PDGFRL: variants seen among roughly 807,000 people sequenced by gnomAD.
PDGFRL encodes platelet derived growth factor receptor like, also known as platelet-derived growth factor receptor-like protein.
In PDGFRL, 46 loss-of-function variants were observed where a neutral mutation model predicts 37.2. That is an observed-to-expected ratio of 1.24 (90% CI 0.98 to 1.58). PDGFRL has a LOEUF of 1.58. PDGFRL is among the 40% of genes most tolerant of loss of function. The pLI is 0.00. For missense variants in PDGFRL, 692 were observed against 467.6 expected, an observed-to-expected ratio of 1.48 and a Z score of -4.43; for synonymous variants, 251 against 184.3, an observed-to-expected ratio of 1.36 and a Z score of -2.93.
chr8:17,601,218 T>C (rs7007653), intron 2 of PDGFRL, among the ~76,000 whole-genome samples: 33,601 of 152,166 alleles, frequency 0.22, 4,351 homozygotes, highest in African/African-American at 0.34. Flanking sequence ...CTGTAGTCTC[T>C]AACCTTAGAG....
intron 5 of PDGFRL, among the ~76,000 whole-genome samples, chr8:17,636,030 T>C (rs1368399271): frequency 6.6e-6 from 1 of 152,260 alleles, no homozygotes; most frequent in African/African-American, 2.4e-5. Flanking sequence ...CTTTTTCAGA[T>C]GTATGGATTG....
At chr8:17,606,111 A>T (rs1804270487) in intron 2 of PDGFRL, among the ~76,000 whole-genome samples, 1 of 152,238 alleles carries the variant, frequency 6.6e-6, no homozygotes, top group African/African-American at 2.4e-5. Context: ...GAATCCCACC[A>T]TTGAGAAAGA....
intron 1 of PDGFRL, 121 bp downstream of exon 1, chr8:17,577,428 C>T: frequency 2.5e-6 from 2 of 806,288 alleles, no homozygotes; most frequent in Non-Finnish European, 4.2e-6. Context: ...GCTCAGCCCC[C>T]GCGCCACTGC....
intron 4 of PDGFRL, among the ~76,000 whole-genome samples, chr8:17,630,095 T>C (rs1804831122): frequency 6.6e-6 from 1 of 152,048 alleles, no homozygotes; most frequent in Non-Finnish European, 1.5e-5. Context: ...CATGGGAGGG[T>C]AGAGGGCATG....
chr8:17,634,238 C>A (rs748513862), intron 5 of PDGFRL, 25 bp downstream of exon 5: 1 of 1,577,126 alleles, frequency 6.3e-7, no homozygotes, highest in Admixed American at 1.7e-5. Context: ...TGCATCTCAG[C>A]CCCTGCGTCT....
In PDGFRL at chr8:17,634,226, C is replaced by T; in HGVS notation, c.939+13C>T. On this transcript the variant is annotated intron_variant, in intron 5 of 5. Transcript: ENST00000251630. ...CCCAGGGCAGAAGGTAAGTGTTGTACCTGCATCTCAGCCCCTGCGTCTCAG... is the reference window on the plus strand; with the variant it reads ...CCCAGGGCAGAAGGTAAGTGTTGTATCTGCATCTCAGCCCCTGCGTCTCAG... 1.3e-6 allele frequency: 2 copies of T among 1,594,378 alleles called. No homozygotes were observed. The highest frequency in any genetic ancestry group is 1.7e-6 in the Non-Finnish European group (2 of 1,167,448).
chr8:17,627,993 T>C (rs536013001), intron 3 of PDGFRL, among the ~76,000 whole-genome samples: 1,486 of 126,060 alleles, frequency 0.012, 8 homozygotes, highest in South Asian at 0.03. Context: ...TTCTTTCTTT[T>C]TTTTTTTTTT....
At chr8:17,604,642 G>C (rs186696820) in intron 2 of PDGFRL, among the ~76,000 whole-genome samples, 1 of 152,002 alleles carries the variant, frequency 6.6e-6, no homozygotes, top group Non-Finnish European at 1.5e-5. Context: ...GCTAAATGAC[G>C]AGTTAATGGG....
intron 4 of PDGFRL, among the ~76,000 whole-genome samples, chr8:17,633,006 A>G (rs1366411380): frequency 6.6e-6 from 1 of 152,126 alleles, no homozygotes; most frequent in African/African-American, 2.4e-5. Context: ...TTAACACAGC[A>G]TTTTAAATTA....
At chr8:17,587,752 C>A (rs112999913) in intron 1 of PDGFRL, among the ~76,000 whole-genome samples, 55 of 150,928 alleles carry the variant, frequency 3.6e-4, no homozygotes, top group African/African-American at 1.3e-3. Flanking sequence ...CTCAGCCTCC[C>A]GAGTGGTAGC....
At chr8:17,616,486 G>A (rs1194404643) in intron 2 of PDGFRL, among the ~76,000 whole-genome samples, 4 of 152,114 alleles carry the variant, frequency 2.6e-5, no homozygotes, top group Non-Finnish European at 4.4e-5. Flanking sequence ...AACCACTTGC[G>A]CCTGGCCCAA....
chr8:17,641,900 C>CGCCCCCCCCCACCCCCT lies in PDGFRL; in HGVS notation c.940-710_940-709insCCCCCCCACCCCCTGCC, dbSNP rs1423751750. 4.4e-5 allele frequency among the ~76,000 whole-genome samples: 6 copies of CGCCCCCCCCCACCCCCT among 135,142 alleles called. 1 individual carries two copies. Among genetic ancestry groups the CGCCCCCCCCCACCCCCT allele is most frequent in the African/African-American group, 1.5e-4 (5 of 33,446 alleles). The allele number at this position is 135,142 out of a possible 152,430, so 88.7% of individuals were successfully genotyped here. On this transcript the variant is annotated intron_variant, in intron 5 of 5. Coordinates refer to ENST00000251630, the MANE Select transcript of PDGFRL (RefSeq NM_001372073.1). ...ATTGATGATTTTCAATAGAGGTCCC[C>CGCCCCCCCCCACCCCCT]GCCACATTGCTATTTGGTATTTTAT...
At chr8:17,630,986 C>T (rs1336407814) in intron 4 of PDGFRL, among the ~76,000 whole-genome samples, 2 of 152,084 alleles carry the variant, frequency 1.3e-5, no homozygotes, top group African/African-American at 4.8e-5. Flanking sequence ...CACCTGACTC[C>T]AGAGCACGTG....
intron 1 of PDGFRL, among the ~76,000 whole-genome samples, chr8:17,587,670 G>A (rs1380774358): frequency 6.6e-6 from 1 of 152,004 alleles, no homozygotes; most frequent in African/African-American, 2.4e-5. Context: ...TCAGTCTCCA[G>A]GCATTGGAGT....
intron 2 of PDGFRL, among the ~76,000 whole-genome samples, chr8:17,613,084 G>A (rs936760766): frequency 6.6e-6 from 1 of 152,042 alleles, no homozygotes; most frequent in African/African-American, 2.4e-5. Context: ...AAATCTCTTG[G>A]GTCTCTCCAT....
At chr8:17,587,802 G>C (rs985008960) in intron 1 of PDGFRL, among the ~76,000 whole-genome samples, 1 of 151,984 alleles carries the variant, frequency 6.6e-6, no homozygotes. Flanking sequence ...GGCTAATTTT[G>C]TATTTTTAGT....
chr8:17,633,359 T>G (rs1007500957), intron 4 of PDGFRL, among the ~76,000 whole-genome samples: 1 of 152,240 alleles, frequency 6.6e-6, no homozygotes, highest in South Asian at 2.1e-4. Context: ...ATGCAGGAGT[T>G]TGAGGCTGCA....
chr8:17,576,697 G>T, upstream of PDGFRL: 13 of 985,610 alleles, frequency 1.3e-5, no homozygotes, highest in Non-Finnish European at 1.6e-5. Context: ...ACAGGGCTGG[G>T]TGCGGAGACC....
At position 17,642,962 on chromosome 8, in the gene PDGFRL, G is replaced by C; in HGVS notation, c.*161G>C. On this transcript the variant is annotated 3_prime_UTR_variant, in exon 6 of 6. Coordinates refer to ENST00000251630, the MANE Select transcript of PDGFRL (RefSeq NM_001372073.1). ...ACCCAGACATCCAAACTAAAAGGAA[G>C]TCATCCAGTCTATTCACAGAAGTGT... 8.6e-6 allele frequency: 5 copies of C among 579,184 alleles called. No individual in the cohort carries two copies. Among genetic ancestry groups the C allele is most frequent in the East Asian group, 2.9e-5 (1 of 34,386 alleles). The allele number at this position is 579,184 out of a possible 1,614,324, so 35.9% of individuals were successfully genotyped here.
Sources: allele counts gnomAD v4.1 joint callset (sites outside exome capture counted in the v4.1 genomes callset), GRCh38; gene constraint gnomAD v4.1.1; transcripts MANE v1.5; gene names NCBI Gene and HGNC (gene_info 2026-07-23, HGNC 2026-07-21).